ABCB5: variants seen among roughly 807,000 people sequenced by gnomAD.
The protein encoded by ABCB5 is ATP-binding cassette sub-family B member 5.
Under a neutral mutation model 144.2 loss-of-function variants are expected in ABCB5, and 155 were observed. That is an observed-to-expected ratio of 1.08 (90% CI 0.94 to 1.23). ABCB5 has a LOEUF of 1.23. ABCB5 is among the 50% of genes most tolerant of loss of function. The pLI is 0.00. For synonymous variants in ABCB5, 610 were observed against 528.6 expected (o/e 1.15, Z -2.11); for missense variants, 1,830 against 1,520.8 (o/e 1.20, Z -3.38).
chr7:20,720,931 G>C (rs1383811054), intron 20 of ABCB5, among the ~76,000 whole-genome samples: 1 of 92,924 alleles, frequency 1.1e-5, no homozygotes, highest in African/African-American at 4.4e-5. Context: ...GCGACAGAGC[G>C]AAACTCTGCC....
chr7:20,719,266 T>G (rs939841590), intron 20 of ABCB5, among the ~76,000 whole-genome samples: 5 of 152,172 alleles, frequency 3.3e-5, no homozygotes, highest in Non-Finnish European at 7.3e-5. Flanking sequence ...TAAAGAACTT[T>G]ATGTTTCAGC....
chr7:20,707,801 C>CTTTTTTTTTTTTTTTT (rs67014566), intron 20 of ABCB5, among the ~76,000 whole-genome samples: 2 of 93,088 alleles, frequency 2.1e-5, no homozygotes, highest in Non-Finnish European at 4.0e-5. Flanking sequence ...AACCTCATTT[C>CTTTTTTTTTTTTTTTT]TTTTTTTTTT....
At chr7:20,747,401 G>A (rs915129560) in intron 26 of ABCB5, among the ~76,000 whole-genome samples, 3 of 152,144 alleles carry the variant, frequency 2.0e-5, no homozygotes, top group African/African-American at 7.2e-5. Context: ...GGGATCACAG[G>A]CACATGCCAC....
intron 14 of ABCB5, among the ~76,000 whole-genome samples, chr7:20,665,957 G>A (rs1405972564): frequency 1.3e-5 from 2 of 151,196 alleles, no homozygotes; most frequent in African/African-American, 2.4e-5. Flanking sequence ...ATCACCTAAG[G>A]TCAGGAGTTT....
At chr7:20,723,603 A>C (rs1250280462) in intron 21 of ABCB5, among the ~76,000 whole-genome samples, 1 of 152,260 alleles carries the variant, frequency 6.6e-6, no homozygotes, top group African/African-American at 2.4e-5. Flanking sequence ...TGCATAAAAC[A>C]CAATGTTATT....
At chr7:20,701,237 T>C (rs2128043583) in intron 19 of ABCB5, among the ~76,000 whole-genome samples, 1 of 152,358 alleles carries the variant, frequency 6.6e-6, no homozygotes, top group South Asian at 2.1e-4. Context: ...TATTATTTTT[T>C]AATTTATGAA....
intron 14 of ABCB5, among the ~76,000 whole-genome samples, chr7:20,678,169 T>A (rs868013862): frequency 5.3e-5 from 8 of 152,234 alleles, no homozygotes; most frequent in South Asian, 4.1e-4. Flanking sequence ...GAAATTTTTT[T>A]AAAACATAAT....
At chr7:20,670,151 A>T (rs1785416129) in intron 14 of ABCB5, among the ~76,000 whole-genome samples, 1 of 152,228 alleles carries the variant, frequency 6.6e-6, no homozygotes, top group Non-Finnish European at 1.5e-5. Context: ...ATGATGACAA[A>T]ATGTACTGGG....
At chr7:20,740,110 C>T (rs936567731) in intron 24 of ABCB5, among the ~76,000 whole-genome samples, 15 of 151,958 alleles carry the variant, frequency 9.9e-5, no homozygotes, top group Non-Finnish European at 1.0e-4. Context: ...TGTGGTGGCA[C>T]GCACCTGTAG....
In ABCB5 at chr7:20,628,849, G is replaced by A. The variant is rs368072144; in HGVS notation, c.259+11G>A. ...TCCAAACTAACACAAGTGAGTATAC[G>A]ATTATTTTTCTGTATCACTTAAGAC... On this transcript the variant is annotated intron_variant, in intron 4 of 27. Transcript: ENST00000404938. 125 of 1,612,244 alleles carry A rather than the reference G, an allele frequency of 7.8e-5. No individual in the cohort carries two copies. Among genetic ancestry groups the A allele is most frequent in the Non-Finnish European group, 9.7e-5 (114 of 1,179,194 alleles).
At chr7:20,738,457 G>C (rs1782458339) in intron 23 of ABCB5, among the ~76,000 whole-genome samples, 1 of 152,082 alleles carries the variant, frequency 6.6e-6, no homozygotes, top group Non-Finnish European at 1.5e-5. Context: ...TTTGCTTTGG[G>C]AACCTGAGGA....
chr7:20,669,749 T>G (rs1299818383), intron 14 of ABCB5, among the ~76,000 whole-genome samples: 1 of 126,994 alleles, frequency 7.9e-6, no homozygotes, highest in Non-Finnish European at 1.6e-5. Flanking sequence ...AAAAAGAAAA[T>G]AACATTCGTA....
Position 20,619,526 on chromosome 7 carries a change from G to A in ABCB5, c.-22+3689G>A, listed in dbSNP as rs2893004. On this transcript the variant is annotated intron_variant, in intron 1 of 27. Transcript: ENST00000404938. ...ATGTCCTTTGCCCATTTTTAATGGG[G>A]TTATTTGTTTTTTTGCTTCTTGAGT... is the stretch of plus-strand genomic sequence containing the variant. Among the ~76,000 whole-genome samples the A allele has an allele frequency of 0.045, 6,822 of 150,216 alleles. 810 individuals carry two copies. In the East Asian group the frequency reaches 0.46, roughly 10 times the overall value.
chr7:20,686,223 C>G (rs2128040262), intron 16 of ABCB5, among the ~76,000 whole-genome samples: 1 of 152,276 alleles, frequency 6.6e-6, no homozygotes, highest in South Asian at 2.1e-4. Flanking sequence ...CAGATAGGCC[C>G]AGCACATACA....
intron 14 of ABCB5, among the ~76,000 whole-genome samples, chr7:20,673,252 G>A (rs1785504490): frequency 1.3e-5 from 2 of 152,036 alleles, no homozygotes; most frequent in South Asian, 2.1e-4. Flanking sequence ...GCTATTGTTG[G>A]ATGAAATGTT....
chr7:20,722,892 G>C, intron 20 of ABCB5, 124 bp from the exon 21 acceptor site: 1 of 690,248 alleles, frequency 1.4e-6, no homozygotes, highest in East Asian at 2.7e-5. Context: ...TAAATTCAAG[G>C]CATAAATTTA....
At chr7:20,680,230 C>T (rs1313014785) in intron 14 of ABCB5, among the ~76,000 whole-genome samples, 1 of 151,980 alleles carries the variant, frequency 6.6e-6, no homozygotes, top group African/African-American at 2.4e-5. Context: ...TGTTAGAAAT[C>T]GGGATAGTGG....
chr7:20,700,230 C>A lies in ABCB5; in HGVS notation c.2337+95C>A, dbSNP rs1396433474. ...GTCTCAAGTCAATTTTTGACATAAT[C>A]TTTCTTTGAAAGCACACTCTTTTTG... On this transcript the variant is annotated intron_variant, in intron 19 of 27. Coordinates refer to ENST00000404938, the MANE Select transcript of ABCB5 (RefSeq NM_001163941.2). 3 of 1,106,614 alleles carry A rather than the reference C, an allele frequency of 2.7e-6. No homozygotes were observed. The African/African-American group carries it at 4.8e-5, about 18-fold the overall frequency. 68.5% of individuals were successfully genotyped at this position (1,106,614 alleles called of 1,614,324 possible).
chr7:20,724,031 T>C (rs865890168), intron 21 of ABCB5, among the ~76,000 whole-genome samples: 1 of 152,104 alleles, frequency 6.6e-6, no homozygotes, highest in Non-Finnish European at 1.5e-5. Context: ...ACCCAACCAT[T>C]AACCTGAAGT....
Sources: gnomAD v4.1 joint callset for allele counts (sites outside exome capture counted in the v4.1 genomes callset) on GRCh38, gnomAD v4.1.1 for gene constraint, MANE v1.5 for transcripts, NCBI Gene and HGNC (gene_info 2026-07-23, HGNC 2026-07-21) for gene names.